Variants in ZNF385D observed in about 807,000 individuals in gnomAD.
ZNF385D encodes zinc finger protein 385D.
In ZNF385D, 15 loss-of-function variants were observed where a neutral mutation model predicts 35.8. The observed-to-expected ratio is 0.42, with a 90% CI of 0.28 to 0.64. The LOEUF (loss-of-function observed/expected upper bound fraction) is 0.64, where lower values mean the gene tolerates loss of function less well. Among genes scored for constraint, ZNF385D ranks in the 30% least tolerant of loss-of-function variants. The probability of loss-of-function intolerance (pLI) is 0.23; values close to 1 mark genes in which losing one functional copy is unlikely to be tolerated. For missense variants in ZNF385D, 474 were observed against 494.6 expected (o/e 0.96, Z 0.39); for synonymous variants, 212 against 186.8 (o/e 1.13, Z -1.10).
intron 3 of ZNF385D, among the ~76,000 whole-genome samples, chr3:21,782,422 T>G (rs2071528700): frequency 6.6e-6 from 1 of 152,156 alleles, no homozygotes; most frequent in Non-Finnish European, 1.5e-5. Context: ...AGACTTAGGA[T>G]GTTCGTTTAA....
chr3:22,120,720 T>C (rs1703048367), intron 3 of ZNF385D, among the ~76,000 whole-genome samples: 2 of 152,176 alleles, frequency 1.3e-5, no homozygotes, highest in African/African-American at 2.4e-5. Context: ...GTGCTATCAC[T>C]TATTTCAATT....
At chr3:22,208,916 A>G (rs1333250458) in intron 2 of ZNF385D, among the ~76,000 whole-genome samples, 1 of 151,888 alleles carries the variant, frequency 6.6e-6, no homozygotes, top group Non-Finnish European at 1.5e-5. Flanking sequence ...ATGAGGTATC[A>G]GGGAATCTTT....
chr3:21,638,074 T>C (rs1290121651), intron 2 of ZNF385D, among the ~76,000 whole-genome samples: 1 of 152,154 alleles, frequency 6.6e-6, no homozygotes, highest in Admixed American at 6.6e-5. Flanking sequence ...CATTACATTG[T>C]GCTGGACATA....
intron 3 of ZNF385D, among the ~76,000 whole-genome samples, chr3:22,088,460 G>A (rs1701157964): frequency 6.6e-6 from 1 of 152,154 alleles, no homozygotes; most frequent in Admixed American, 6.6e-5. Context: ...ATTCAACGTG[G>A]TGTGAGAGCA....
intron 3 of ZNF385D, among the ~76,000 whole-genome samples, chr3:22,161,238 T>C (rs1026452333): frequency 6.6e-5 from 10 of 152,094 alleles, no homozygotes; most frequent in African/African-American, 1.4e-4. Flanking sequence ...TATACAAACA[T>C]TGTTATAATG....
chr3:22,321,478 G>A (rs1253477474), intron 2 of ZNF385D, among the ~76,000 whole-genome samples: 8 of 151,968 alleles, frequency 5.3e-5, no homozygotes, highest in African/African-American at 1.9e-4. Context: ...CGATTCTCCT[G>A]TCTCAGCCTC....
At chr3:22,139,443 C>T (rs12715026) in intron 3 of ZNF385D, among the ~76,000 whole-genome samples, 8 of 151,804 alleles carry the variant, frequency 5.3e-5, no homozygotes, top group Admixed American at 1.3e-4. Flanking sequence ...CCATAAAAAA[C>T]GATGAGTTCA....
At chr3:22,252,990 C>T (rs1461069472) in intron 2 of ZNF385D, among the ~76,000 whole-genome samples, 1 of 151,954 alleles carries the variant, frequency 6.6e-6, no homozygotes, top group African/African-American at 2.4e-5. Context: ...GTATCTATTC[C>T]CATGAAGATG....
intron 1 of ZNF385D, among the ~76,000 whole-genome samples, chr3:21,728,354 A>AT (rs2068854732): frequency 6.6e-6 from 1 of 151,852 alleles, no homozygotes; most frequent in African/African-American, 2.4e-5. Flanking sequence ...ATATGGTGGC[A>AT]TTTTATCTAC....
chr3:21,892,797 G>T (rs1698939720), intron 3 of ZNF385D, among the ~76,000 whole-genome samples: 1 of 152,122 alleles, frequency 6.6e-6, no homozygotes, highest in East Asian at 1.9e-4. Flanking sequence ...ATAACGCCAA[G>T]AAATAAGATG....
intron 1 of ZNF385D, among the ~76,000 whole-genome samples, chr3:21,724,659 AC>A (rs2068685707): frequency 6.6e-6 from 1 of 152,124 alleles, no homozygotes; most frequent in Non-Finnish European, 1.5e-5. Flanking sequence ...CGCACCCAGG[AC>A]AGGAGCACCC....
chr3:22,109,624 G>C (rs1299209859), intron 3 of ZNF385D, among the ~76,000 whole-genome samples: 1 of 152,134 alleles, frequency 6.6e-6, no homozygotes, highest in African/African-American at 2.4e-5. Flanking sequence ...TTGTGTGGGA[G>C]TCTAAGTCTC....
rs150871333 is a variant in ZNF385D, at chr3:22,083,192, C to A, written c.325+85625G>T. 4.5e-3 allele frequency among the ~76,000 whole-genome samples: 689 copies of A among 152,328 alleles called. 10 individuals carry two copies. Among genetic ancestry groups the A allele is most frequent in the African/African-American group, 0.016 (662 of 41,562 alleles). ...CTTCTTCTACTCCAAAGGATCGCAG[C>A]TCCTCGCCAGCAATGGAACAAAGCT... On this transcript the variant is annotated intron_variant, in intron 3 of 5. Coordinates refer to the ZNF385D transcript ENST00000494108.
At chr3:21,424,291 A>ATATATATT (rs1213352537) in intron 6 of ZNF385D, among the ~76,000 whole-genome samples, 3 of 98,162 alleles carry the variant, frequency 3.1e-5, no homozygotes, top group African/African-American at 1.2e-4. Flanking sequence ...ATATACTTAT[A>ATATATATT]TATATATATT....
intron 3 of ZNF385D, chr3:21,942,593 G>A (rs1701575240): frequency 6.6e-6 from 1 of 152,172 alleles, no homozygotes; most frequent in South Asian, 2.1e-4. Context: ...GGGCAATTGG[G>A]GCATCTGTGA....
intron 1 of ZNF385D, among the ~76,000 whole-genome samples, chr3:21,735,625 G>C (rs1007644126): frequency 2.6e-5 from 4 of 152,020 alleles, no homozygotes; most frequent in Non-Finnish European, 5.9e-5. Flanking sequence ...TAGGACGCTA[G>C]ACTGATTTCT....
chr3:22,107,897 G>A (rs80018239), intron 3 of ZNF385D, among the ~76,000 whole-genome samples: 16,399 of 151,640 alleles, frequency 0.11, 1,081 homozygotes, highest in Admixed American at 0.19. Flanking sequence ...ATTATAATGG[G>A]GTGCCCATAA....
At chr3:21,900,511 T>C (rs1699348544) in intron 3 of ZNF385D, among the ~76,000 whole-genome samples, 1 of 152,042 alleles carries the variant, frequency 6.6e-6, no homozygotes, top group Non-Finnish European at 1.5e-5. Flanking sequence ...AATTTAAATA[T>C]ATGAGAAAAG....
At chr3:21,814,731 A>T (rs1025411603) in intron 3 of ZNF385D, among the ~76,000 whole-genome samples, 1 of 152,184 alleles carries the variant, frequency 6.6e-6, no homozygotes, top group African/African-American at 2.4e-5. Flanking sequence ...CAAAATAATA[A>T]TGGGAGACTT....
Sources: gnomAD v4.1 joint callset for allele counts (sites outside exome capture counted in the v4.1 genomes callset) on GRCh38, gnomAD v4.1.1 for gene constraint, MANE v1.5 for transcripts, NCBI Gene and HGNC (gene_info 2026-07-23, HGNC 2026-07-21) for gene names.